CNTNAP4: variants seen among roughly 807,000 people sequenced by gnomAD.
CNTNAP4 encodes the protein contactin associated protein family member 4, also known as contactin-associated protein-like 4.
In CNTNAP4, 98 loss-of-function variants were observed where a neutral mutation model predicts 148.4. The ratio of observed to expected loss-of-function variants is 0.66; its 90% CI spans 0.56 to 0.78. The LOEUF (loss-of-function observed/expected upper bound fraction) is 0.78. CNTNAP4 is among the 30% of genes least tolerant of loss of function. CNTNAP4 has a pLI of 0.00. For synonymous variants in CNTNAP4, 730 were observed against 565.1 expected, an observed-to-expected ratio of 1.29 and a Z score of -4.14; for missense variants, 1,935 against 1,565.6, an observed-to-expected ratio of 1.24 and a Z score of -3.98.
intron 12 of CNTNAP4, among the ~76,000 whole-genome samples, chr16:76,480,715 T>C (rs2081794789): frequency 6.6e-6 from 1 of 152,118 alleles, no homozygotes; most frequent in South Asian, 2.1e-4. Flanking sequence ...TTCAGCCTGG[T>C]GACAGAGTGA....
intron 3 of CNTNAP4, among the ~76,000 whole-genome samples, chr16:76,418,170 T>C (rs984942414): frequency 1.3e-5 from 2 of 151,776 alleles, no homozygotes; most frequent in East Asian, 1.9e-4. Flanking sequence ...TGAAAAGTTA[T>C]TGGCCATTAT....
At position 76,522,125 on chromosome 16, in the gene CNTNAP4, C is replaced by T; in HGVS notation, c.2623C>T (p.Gln875Ter). 1 of 1,613,946 alleles carries T rather than the reference C, an allele frequency of 6.2e-7. No homozygotes were observed. The highest frequency in any genetic ancestry group is 8.5e-7 in the Non-Finnish European group (1 of 1,179,872). Reference protein sequence around the residue: ...VQSPTHFNDNQWHHVRVERNM... With the variant: ...VQSPTHFNDN ...GTCACCCACCCACTTCAACGACAAC[C>T]AGTGGCACCATGTGAGGGTTGAAAG... Residue 875 changes from glutamine (Q) to a stop codon, truncating the protein, a stop_gained, in exon 17 of 24, where the codon CAG (glutamine) becomes TAG (stop). Coordinates refer to ENST00000611870, the MANE Select transcript of CNTNAP4 (RefSeq NM_033401.5). LOFTEE classifies it high-confidence loss of function.
At chr16:76,538,366 G>T in intron 19 of CNTNAP4, 26 bp downstream of exon 19, 3 of 1,516,074 alleles carry the variant, frequency 2.0e-6, no homozygotes, top group Non-Finnish European at 2.7e-6. Context: ...ATGAGAGAGA[G>T]AAAATTAAAT....
chr16:76,477,167 A>G (rs1196437257), intron 11 of CNTNAP4, among the ~76,000 whole-genome samples: 1 of 152,152 alleles, frequency 6.6e-6, no homozygotes, highest in Non-Finnish European at 1.5e-5. Flanking sequence ...CATCTTCTAG[A>G]GCCTGGGATA....
At chr16:76,420,411 T>G (rs1282244431) in intron 3 of CNTNAP4, among the ~76,000 whole-genome samples, 1 of 151,900 alleles carries the variant, frequency 6.6e-6, no homozygotes, top group South Asian at 2.1e-4. Context: ...AAAGTGTAAT[T>G]TCATTCACTT....
chr16:76,406,955 C>T (rs2078618568), intron 3 of CNTNAP4, among the ~76,000 whole-genome samples: 1 of 152,150 alleles, frequency 6.6e-6, no homozygotes, highest in Non-Finnish European at 1.5e-5. Flanking sequence ...CTACACTAAA[C>T]AACAGATTTT....
At chr16:76,469,637 G>T (rs1426448707) in intron 10 of CNTNAP4, 1 of 152,196 alleles carries the variant, frequency 6.6e-6, no homozygotes, top group Non-Finnish European at 1.5e-5. Context: ...ACTCCCGGTT[G>T]CCTACTTTCT....
intron 3 of CNTNAP4, among the ~76,000 whole-genome samples, chr16:76,361,732 C>T (rs1408861605): frequency 6.6e-6 from 1 of 152,122 alleles, no homozygotes; most frequent in African/African-American, 2.4e-5. Context: ...GAGGAAATTC[C>T]ATACTGCATG....
In CNTNAP4 at chr16:76,558,506, GATT is replaced by G. The variant is rs1227823148; in HGVS notation, c.3751_3753del (p.Ile1251del). The G allele has an allele frequency of 6.2e-7, 1 of 1,603,836 alleles. No homozygotes were observed. The highest frequency in any genetic ancestry group is 1.7e-5 in the Admixed American group (1 of 59,528). The stretch of plus-strand genomic sequence containing the variant: ...TCTCTCTAGGTCTGATAGCTGTTGT[GATT>G]TTTATCTTGCTTTGCATCACTGCCA... On this transcript the variant is annotated inframe_deletion, in exon 24 of 24. Coordinates refer to ENST00000611870, the MANE Select transcript of CNTNAP4 (RefSeq NM_033401.5).
intron 4 of CNTNAP4, among the ~76,000 whole-genome samples, chr16:76,430,725 C>G (rs976685399): frequency 6.6e-6 from 1 of 152,152 alleles, no homozygotes; most frequent in Non-Finnish European, 1.5e-5. Context: ...TGCGCTTCGC[C>G]TGAGCCATTC....
At position 76,498,865 on chromosome 16, in the gene CNTNAP4, G is replaced by C. The variant is rs147154366; in HGVS notation, c.2365+171G>C. Among the ~76,000 whole-genome samples, 993 of 152,152 alleles carry C rather than the reference G, an allele frequency of 6.5e-3. 10 individuals are homozygous for C. Among genetic ancestry groups the C allele is most frequent in the African/African-American group, 0.023 (944 of 41,496 alleles). On this transcript the variant is annotated intron_variant, in intron 15 of 23. Coordinates refer to ENST00000611870, the MANE Select transcript of CNTNAP4 (RefSeq NM_033401.5). The stretch of plus-strand genomic sequence containing the variant: ...GGTGCCTTTAGTAGTCAAATTCATA[G>C]ACAGAAAGTAGAATGGTGGTTTCCA...
chr16:76,553,767 T>C, intron 22 of CNTNAP4, 69 bp from the exon 23 acceptor site: 1 of 961,406 alleles, frequency 1.0e-6, no homozygotes, highest in Non-Finnish European at 1.6e-6. Flanking sequence ...AAAACATTTA[T>C]GATGTTTTCA....
At chr16:76,379,193 C>T (rs1338527804) in intron 3 of CNTNAP4, among the ~76,000 whole-genome samples, 1 of 152,046 alleles carries the variant, frequency 6.6e-6, no homozygotes, top group Non-Finnish European at 1.5e-5. Flanking sequence ...GACTCCAATT[C>T]ACAGTGCTAC....
intron 1 of CNTNAP4, chr16:76,309,725 G>C: frequency 1.6e-6 from 1 of 617,448 alleles, no homozygotes; most frequent in Admixed American, 2.4e-5. Flanking sequence ...AGGGACCCAG[G>C]TGGAGGTAAT....
At chr16:76,377,610 C>T (rs1007902895) in intron 3 of CNTNAP4, among the ~76,000 whole-genome samples, 1 of 152,066 alleles carries the variant, frequency 6.6e-6, no homozygotes, top group Non-Finnish European at 1.5e-5. Flanking sequence ...CAGAGAGTTG[C>T]AAGGGGTGTG....
chr16:76,363,791 C>G (rs2013740743), intron 3 of CNTNAP4, among the ~76,000 whole-genome samples: 1 of 152,016 alleles, frequency 6.6e-6, no homozygotes, highest in African/African-American at 2.4e-5. Flanking sequence ...ACCTCAATCA[C>G]AAGTCAACAC....
intron 1 of CNTNAP4, among the ~76,000 whole-genome samples, chr16:76,312,746 C>G (rs1013552985): frequency 6.6e-6 from 1 of 152,116 alleles, no homozygotes; most frequent in African/African-American, 2.4e-5. Context: ...GTTATAGATA[C>G]GGTTCTATCA....
intron 18 of CNTNAP4, among the ~76,000 whole-genome samples, chr16:76,536,305 C>T (rs1312991261): frequency 1.3e-5 from 2 of 152,112 alleles, no homozygotes; most frequent in East Asian, 1.9e-4. Context: ...AAGCGATTCT[C>T]CTGCCTCCGC....
At chr16:76,546,000 A>T (rs1597126686) in intron 21 of CNTNAP4, among the ~76,000 whole-genome samples, 1 of 151,452 alleles carries the variant, frequency 6.6e-6, no homozygotes, top group South Asian at 2.1e-4. Flanking sequence ...GTGCCATTGC[A>T]CTCCAGCCTG....
Sources: allele counts gnomAD v4.1 joint callset (sites outside exome capture counted in the v4.1 genomes callset), GRCh38; gene constraint gnomAD v4.1.1; transcripts MANE v1.5; gene names NCBI Gene and HGNC (gene_info 2026-07-23, HGNC 2026-07-21).